Variants in ERMAP observed in about 807,000 individuals in gnomAD.
ERMAP encodes erythroblast membrane associated protein (Scianna blood group).
A neutral mutation model predicts 49.5 loss-of-function variants in ERMAP; 34 were observed. The observed-to-expected ratio is 0.69, with a 90% CI of 0.52 to 0.91. The LOEUF is 0.91. Among genes scored for constraint, ERMAP ranks in the 40% least tolerant of loss-of-function variants. The pLI, the probability that ERMAP is intolerant of heterozygous loss-of-function variation, is 0.00. For synonymous variants in ERMAP, 214 were observed against 232.2 expected (o/e 0.92, Z 0.71); for missense variants, 541 against 582.6 (o/e 0.93, Z 0.74).
chr1:42,838,885 T>C lies in ERMAP; in HGVS notation c.617-16T>C, dbSNP rs776810787. 8.1e-6 allele frequency: 13 copies of C among 1,614,176 alleles called. No homozygotes were observed. In the South Asian group the frequency reaches 1.4e-4, roughly 18 times the overall value. On this transcript the variant is annotated splice_polypyrimidine_tract_variant and intron_variant, in intron 7 of 11. Transcript: ENST00000372517. ...GGATCTGATCACTCACTCTTCTCTC[T>C]CTTTCTGGTTTTTAGGAAAACTCCA...
At chr1:42,838,956 T>C (rs1409459519) in intron 8 of ERMAP, 35 bp downstream of exon 8, 2 of 1,613,980 alleles carry the variant, frequency 1.2e-6, no homozygotes, top group Non-Finnish European at 1.7e-6. Context: ...CACAAGCTCC[T>C]TCTGCTGACA....
Position 42,840,275 on chromosome 1 carries a change from A to G in ERMAP, c.691A>G (p.Arg231Gly), listed in dbSNP as rs1212979602. The change falls in exon 11 of 12, where the codon AGA becomes GGA. Residue 231 changes from arginine to glycine, a missense_variant. Coordinates refer to ENST00000372517, the MANE Select transcript of ERMAP (RefSeq NM_001017922.2). ...CCCCTTTTCTCATTTTTCAGGCTGGAGAAGAGCCCGGTTGCATTTTGGTAA... is the reference window on the plus strand; with the variant it reads ...CCCCTTTTCTCATTTTTCAGGCTGGGGAAGAGCCCGGTTGCATTTTGGTAA... ...LKRAAANSGWRRARLHFVAVT... is the reference protein window; with the variant it reads ...LKRAAANSGWGRARLHFVAVT... 4 of 1,613,988 alleles carry G rather than the reference A, an allele frequency of 2.5e-6. No homozygotes were observed. The highest frequency in any genetic ancestry group is 1.3e-5 in the African/African-American group (1 of 74,886).
chr1:42,838,108 A>T (rs1345222743), intron 7 of ERMAP, among the ~76,000 whole-genome samples: 1 of 152,216 alleles, frequency 6.6e-6, no homozygotes, highest in East Asian at 1.9e-4. Flanking sequence ...AAATGGCAAT[A>T]ATAATTCTAG....
chr1:42,839,084 G>A (rs778273956), intron 8 of ERMAP, 163 bp downstream of exon 8: 1 of 978,896 alleles, frequency 1.0e-6, no homozygotes, highest in Non-Finnish European at 1.6e-6. Context: ...CTTTTCTCAA[G>A]TATTCTCTGC....
At chr1:42,820,344 C>G (rs1251280854) in intron 1 of ERMAP, among the ~76,000 whole-genome samples, 2 of 147,664 alleles carry the variant, frequency 1.4e-5, no homozygotes, top group Admixed American at 1.3e-4. Flanking sequence ...GAAACAAAGT[C>G]TTCAATTCTG....
intron 1 of ERMAP, among the ~76,000 whole-genome samples, chr1:42,821,374 G>A (rs1654401692): frequency 6.6e-6 from 1 of 152,104 alleles, no homozygotes; most frequent in African/African-American, 2.4e-5. Flanking sequence ...ATTATTACTG[G>A]ATTCTGAGAT....
At chr1:42,839,094 C>A in intron 8 of ERMAP, 173 bp downstream of exon 8, 1 of 879,270 alleles carries the variant, frequency 1.1e-6, no homozygotes, top group Non-Finnish European at 1.8e-6. Flanking sequence ...GTATTCTCTG[C>A]TCCTCTTTCC....
Position 42,843,044 on chromosome 1 carries a change from G to A in ERMAP, c.1240G>A (p.Glu414Lys), listed in dbSNP as rs1403530398. ...CACAGCACCTCTAGTCATTTGTTCA[G>A]AACTACACAAATCAGAGGAATCAAT... ...KNTAPLVICS[E>K]LHKSEESIVP... Residue 414 changes from glutamate (E) to lysine (K), a missense_variant, in exon 12 of 12, where the codon GAA (glutamate) becomes AAA (lysine). Transcript: ENST00000372517. 1 of 1,614,144 alleles carries A rather than the reference G, an allele frequency of 6.2e-7. No individual in the cohort carries two copies. The highest frequency in any genetic ancestry group is 1.7e-5 in the Admixed American group (1 of 60,010).
rs1440440587 is a variant in ERMAP at position 42,843,206 on chromosome 1, C to A, written c.1402C>A (p.Gln468Lys). 3 of 1,599,644 alleles carry A rather than the reference C, an allele frequency of 1.9e-6. No homozygotes were observed. In the African/African-American group the frequency reaches 4.0e-5, roughly 22 times the overall value. Residue 468 changes from glutamine to lysine, a missense_variant, in exon 12 of 12, where the codon CAG becomes AAG. Physicochemically the swap from Gln to Lys is moderately conservative, Grantham distance 53. Transcript: ENST00000372517. ...GCCCCCTGACCTTGGCCCAGCCCTT[C>A]AGGAGCTCAAGGCTCCTTCTTTTTA... The part of the protein sequence containing the change: ...SLPPDLGPAL[Q>K]ELKAPSF
chr1:42,841,399 C>T (rs935323592), intron 11 of ERMAP, among the ~76,000 whole-genome samples: 29 of 152,234 alleles, frequency 1.9e-4, no homozygotes, highest in Non-Finnish European at 2.1e-4. Context: ...TTTCGTCCTA[C>T]GTACTTGGGA....
chr1:42,822,832 C>CT (rs571016529), intron 1 of ERMAP, among the ~76,000 whole-genome samples: 124 of 151,480 alleles, frequency 8.2e-4, no homozygotes, highest in South Asian at 4.8e-3. Context: ...TTAACTTTTT[C>CT]TTTTTTTTTA....
chr1:42,831,104 T>C lies in ERMAP; in HGVS notation c.422T>C (p.Leu141Pro), dbSNP rs1381630858. The C allele has an allele frequency of 6.2e-7, 1 of 1,613,968 alleles. No individual in the cohort carries two copies. Among genetic ancestry groups the C allele is most frequent in the South Asian group, 1.1e-5 (1 of 91,024 alleles). Reference sequence around the variant, plus strand: ...CTGAGTAAAGAGGACACCGTGATCCTGCAGGTTGCAGGTTAGAATGGGTTT... The same window carrying C: ...CTGAGTAAAGAGGACACCGTGATCCCGCAGGTTGCAGGTTAGAATGGGTTT... ...GNLSKEDTVI[L>P]QVAAPSVGSL... Residue 141 changes from leucine to proline, a missense_variant, in exon 4 of 12, where the codon CTG (leucine) becomes CCG (proline). Transcript: ENST00000372517.
intron 4 of ERMAP, among the ~76,000 whole-genome samples, chr1:42,831,493 T>TA (rs1423532584): frequency 6.6e-6 from 1 of 151,816 alleles, no homozygotes; most frequent in African/African-American, 2.4e-5. Context: ...TGACAGGATT[T>TA]ACTTAATGGG....
At position 42,843,773 on chromosome 1, in the gene ERMAP, A is replaced by G. The variant is rs1655136994; in HGVS notation, c.*541A>G. ...AATGAATTGGGAAAGGCTGATGAGT[A>G]AAACATACCATCCTTTTCTATTTTC... On this transcript the variant is annotated 3_prime_UTR_variant, in exon 12 of 12. Coordinates refer to ENST00000372517, the MANE Select transcript of ERMAP (RefSeq NM_001017922.2). The G allele has an allele frequency of 3.4e-6, 1 of 296,530 alleles. No individual in the cohort carries two copies. Among genetic ancestry groups the G allele is most frequent in the Admixed American group, 5.1e-5 (1 of 19,644 alleles). 18.4% of individuals were successfully genotyped at this position (296,530 alleles called of 1,614,324 possible).
intron 1 of ERMAP, among the ~76,000 whole-genome samples, chr1:42,822,215 A>T: frequency 6.6e-6 from 1 of 150,992 alleles, no homozygotes; most frequent in East Asian, 1.9e-4. Context: ...ATGGAGTCTC[A>T]CTCTCTCGCC....
At chr1:42,829,095 A>T (rs929334286) in intron 2 of ERMAP, among the ~76,000 whole-genome samples, 3 of 152,194 alleles carry the variant, frequency 2.0e-5, no homozygotes, top group Non-Finnish European at 4.4e-5. Context: ...CTAGTAACCT[A>T]TAGGAAAGTG....
chr1:42,844,498 G>T lies in ERMAP; in HGVS notation c.*1266G>T. On this transcript the variant is annotated 3_prime_UTR_variant, in exon 12 of 12. Transcript: ENST00000372517. This position sits in a 1 kb window ranked among gnomAD's most constrained non-coding sequence, Gnocchi z 4.0. ...GGCAGGGGGGCGGTGGTTATTATAAGGAATTGGCTCACGTGATTATGGAGG... is the reference window on the plus strand; with the variant it reads ...GGCAGGGGGGCGGTGGTTATTATAATGAATTGGCTCACGTGATTATGGAGG... 6.0e-6 allele frequency: 1 copy of T among 167,546 alleles called. No individual in the cohort carries two copies. The highest frequency in any genetic ancestry group is 1.3e-5 in the Non-Finnish European group (1 of 78,428). 10.4% of individuals were successfully genotyped at this position (167,546 alleles called of 1,614,324 possible).
At chr1:42,836,903 TA>T (rs35894122) in intron 6 of ERMAP, 7,531 of 265,114 alleles carry the variant, frequency 0.028, 20 homozygotes, top group African/African-American at 0.041. Flanking sequence ...GTGGCAGATT[TA>T]AAAAAAAAAA....
rs942595770 is a variant in ERMAP, at chr1:42,844,819, T to A, written c.*1587T>A. ...CTCAGTCTACTGATTTGAATGTTAATGTCATTGAGAAACACCCTCACAGGA... is the reference window on the plus strand; with the variant it reads ...CTCAGTCTACTGATTTGAATGTTAAAGTCATTGAGAAACACCCTCACAGGA... On this transcript the variant is annotated 3_prime_UTR_variant, in exon 12 of 12. Transcript: ENST00000372517. The surrounding 1 kb of genome is among the most constrained non-coding windows in gnomAD (Gnocchi z 4.0). The A allele has an allele frequency of 3.9e-5, 6 of 152,214 alleles. No homozygotes were observed. Among genetic ancestry groups the A allele is most frequent in the African/African-American group, 1.4e-4 (6 of 41,452 alleles). The allele number at this position is 152,214 out of a possible 1,614,324, so 9.4% of individuals were successfully genotyped here.
Sources: allele counts gnomAD v4.1 joint callset (sites outside exome capture counted in the v4.1 genomes callset), GRCh38; gene constraint gnomAD v4.1.1; non-coding constraint Gnocchi (gnomAD v3.1); transcripts MANE v1.5; gene names NCBI Gene and HGNC (gene_info 2026-07-23, HGNC 2026-07-21).